CREBRF: variants seen among roughly 807,000 people sequenced by gnomAD.
The protein encoded by CREBRF is CREB3 regulatory factor, also known as UPF0474 protein C5orf41.
In CREBRF, 5 loss-of-function variants were observed where a neutral mutation model predicts 66.1. That is an observed-to-expected ratio of 0.08 (90% CI 0.04 to 0.16). The LOEUF is 0.16. Among genes scored for constraint, CREBRF ranks in the 10% least tolerant of loss-of-function variants. CREBRF has a pLI of 1.00. For synonymous variants in CREBRF, 229 were observed against 264.4 expected, an observed-to-expected ratio of 0.87 and a Z score of 1.30; for missense variants, 531 against 744.9, an observed-to-expected ratio of 0.71 and a Z score of 3.34.
chr5:173,105,623 A>G (rs745340291), intron 4 of CREBRF, among the ~76,000 whole-genome samples: 2 of 151,904 alleles, frequency 1.3e-5, no homozygotes, highest in Non-Finnish European at 2.9e-5. Context: ...GGGCGCCACC[A>G]CACCCAGCTG....
At position 173,080,825 on chromosome 5, in the gene CREBRF, A is replaced by T. The variant is rs147330284; in HGVS notation, c.9+41A>T. 5 of 1,601,962 alleles carry T rather than the reference A, an allele frequency of 3.1e-6. No individual in the cohort carries two copies. The East Asian group carries it at 1.1e-4, about 36-fold the overall frequency. ...TAGGTGCAAAGTTTTTTATTTTCCC[A>T]CTACAGAAAGTCAATACCTTTGACT... On this transcript the variant is annotated intron_variant, in intron 2 of 8. Transcript: ENST00000296953.
At chr5:173,065,187 G>C (rs1757397814) in intron 1 of CREBRF, among the ~76,000 whole-genome samples, 1 of 152,156 alleles carries the variant, frequency 6.6e-6, no homozygotes, top group Admixed American at 6.6e-5. Flanking sequence ...GGGGAAAGTT[G>C]AATATTCATT....
rs869148787 is a variant in CREBRF, at chr5:173,082,003, GTTTTTTTTTTTTTTTT to G, written c.9+1232_9+1247del. Reference sequence around the variant, plus strand: ...AGAGTGGTTGCCCATTCAAGGTTTAGTTTTTTTTTTTTTTTTTTTTTTTTTTTTGAGCTGGAGTCTC... The same window carrying G: ...AGAGTGGTTGCCCATTCAAGGTTTAGTTTTTTTTTTTTGAGCTGGAGTCTC... On this transcript the variant is annotated intron_variant, in intron 2 of 8. Transcript: ENST00000296953. Among the ~76,000 whole-genome samples the G allele has an allele frequency of 1.1e-3, 85 of 78,078 alleles. 1 individual carries two copies. Among genetic ancestry groups the G allele is most frequent in the Non-Finnish European group, 1.3e-3 (53 of 40,434 alleles). The allele number at this position is 78,078 out of a possible 152,430, so 51.2% of individuals were successfully genotyped here.
intron 1 of CREBRF, among the ~76,000 whole-genome samples, chr5:173,066,050 TCAAA>T (rs1757428297): frequency 6.6e-6 from 1 of 152,072 alleles, no homozygotes; most frequent in Non-Finnish European, 1.5e-5. Context: ...ACTCCCGGTG[TCAAA>T]CAATCCCATC....
intron 8 of CREBRF, among the ~76,000 whole-genome samples, chr5:173,131,004 GC>G (rs1485580481): frequency 6.6e-6 from 1 of 152,160 alleles, no homozygotes; most frequent in Non-Finnish European, 1.5e-5. Flanking sequence ...AGCTCACGTG[GC>G]CAGCAGCAAA....
intron 8 of CREBRF, among the ~76,000 whole-genome samples, chr5:173,125,346 A>AT (rs778118742): frequency 6.6e-6 from 1 of 151,678 alleles, no homozygotes; most frequent in Non-Finnish European, 1.5e-5. Context: ...CTGTCACCTT[A>AT]TTTCTTAGTT....
intron 8 of CREBRF, among the ~76,000 whole-genome samples, chr5:173,127,955 G>T (rs1759312718): frequency 6.6e-6 from 1 of 151,900 alleles, no homozygotes; most frequent in Non-Finnish European, 1.5e-5. Context: ...ATTATTTTGT[G>T]TCTGTTCTCC....
intron 4 of CREBRF, among the ~76,000 whole-genome samples, chr5:173,106,970 G>A (rs1180309503): frequency 2.0e-5 from 3 of 152,050 alleles, no homozygotes; most frequent in South Asian, 4.1e-4. Flanking sequence ...GGCTGGTCTC[G>A]AACTCCTGAT....
chr5:173,093,963 T>G (rs78334642), intron 4 of CREBRF, among the ~76,000 whole-genome samples: 240 of 152,328 alleles, frequency 1.6e-3, no homozygotes, highest in African/African-American at 5.6e-3. Context: ...TACTTTTTAC[T>G]CTCTGATCCT....
intron 4 of CREBRF, among the ~76,000 whole-genome samples, chr5:173,102,531 T>C (rs541357350): frequency 1.4e-4 from 22 of 152,270 alleles, no homozygotes; most frequent in African/African-American, 5.3e-4. Context: ...TCCTGGTGCC[T>C]GGTACTGTGG....
At chr5:173,064,160 A>G (rs1561790062) in intron 1 of CREBRF, among the ~76,000 whole-genome samples, 1 of 151,976 alleles carries the variant, frequency 6.6e-6, no homozygotes. Flanking sequence ...TGCTCCTTTT[A>G]TAAAAGCAGT....
intron 4 of CREBRF, among the ~76,000 whole-genome samples, chr5:173,096,315 A>G (rs570597633): frequency 2.6e-5 from 4 of 152,246 alleles, no homozygotes; most frequent in African/African-American, 9.6e-5. Context: ...CATGTCATCT[A>G]CTAACAGAGA....
chr5:173,094,920 T>G (rs1237887549), intron 4 of CREBRF, among the ~76,000 whole-genome samples: 1 of 152,112 alleles, frequency 6.6e-6, no homozygotes, highest in Non-Finnish European at 1.5e-5. Flanking sequence ...TTAGTTCTTA[T>G]GTTTAAGTCT....
intron 1 of CREBRF, among the ~76,000 whole-genome samples, chr5:173,062,204 G>A (rs1330493531): frequency 6.6e-6 from 1 of 152,098 alleles, no homozygotes; most frequent in East Asian, 1.9e-4. Context: ...TCTCAAATCT[G>A]GATTCGATTT....
chr5:173,086,707 G>GA (rs938957069), intron 3 of CREBRF, 81 bp downstream of exon 3: 2,999 of 1,216,050 alleles, frequency 2.5e-3, no homozygotes, highest in South Asian at 2.9e-3. Flanking sequence ...ATAAATGCCT[G>GA]AAAAAAAAAG....
intron 4 of CREBRF, 58 bp from the exon 5 acceptor site, chr5:173,108,566 G>T: frequency 6.9e-7 from 1 of 1,456,244 alleles, no homozygotes. Context: ...CTTTTCATTT[G>T]TTCTGATTGA....
chr5:173,125,586 C>G (rs889043506), intron 8 of CREBRF, among the ~76,000 whole-genome samples: 28 of 152,270 alleles, frequency 1.8e-4, no homozygotes, highest in African/African-American at 6.7e-4. Flanking sequence ...ACATGGCATC[C>G]GGGCACGGTG....
Position 173,129,550 on chromosome 5 carries a change from C to T in CREBRF, c.1805-4080C>T, listed in dbSNP as rs1759360119. Reference sequence around the variant, plus strand: ...CAGCTTGGGCAACATAAGGAGACCCCATTTCTAGAAAAAAAATACAAAAAG... The same window carrying T: ...CAGCTTGGGCAACATAAGGAGACCCTATTTCTAGAAAAAAAATACAAAAAG... On this transcript the variant is annotated intron_variant, in intron 8 of 8. Coordinates refer to ENST00000296953, the MANE Select transcript of CREBRF (RefSeq NM_153607.3). Among the ~76,000 whole-genome samples the T allele has an allele frequency of 2.0e-5, 3 of 151,800 alleles. No individual in the cohort carries two copies. The South Asian group carries it at 6.2e-4, about 32-fold the overall frequency.
intron 7 of CREBRF, among the ~76,000 whole-genome samples, chr5:173,120,597 T>G (rs138114144): frequency 0.093 from 14,035 of 150,994 alleles, 770 homozygotes; most frequent in South Asian, 0.16. Flanking sequence ...GCCAGGCTGG[T>G]CTGGAACACC....
Sources: allele counts gnomAD v4.1 joint callset (sites outside exome capture counted in the v4.1 genomes callset), GRCh38; gene constraint gnomAD v4.1.1; transcripts MANE v1.5; gene names NCBI Gene and HGNC (gene_info 2026-07-23, HGNC 2026-07-21).